TBCK: variants seen among roughly 807,000 people sequenced by gnomAD.
The protein encoded by TBCK is TBC domain-containing protein kinase-like protein.
TBCK carries 99 observed loss-of-function variants against 113.4 expected under a neutral mutation model. That is an observed-to-expected ratio of 0.87 (90% CI 0.74 to 1.03). The LOEUF (loss-of-function observed/expected upper bound fraction) is 1.03, where lower values mean the gene tolerates loss of function less well. TBCK is among the 50% of genes least tolerant of loss of function. The pLI is 0.00. For synonymous variants in TBCK, 369 were observed against 370.8 expected (o/e 1.00, Z 0.05); for missense variants, 1,045 against 1,061.3 (o/e 0.98, Z 0.21).
At chr4:106,263,254 A>G (rs1245106512) in intron 3 of TBCK, among the ~76,000 whole-genome samples, 2 of 151,942 alleles carry the variant, frequency 1.3e-5, no homozygotes, top group African/African-American at 2.4e-5. Context: ...AACCAATAGT[A>G]GAGATAATAT....
chr4:106,285,907 A>G (rs1446508200), intron 3 of TBCK, among the ~76,000 whole-genome samples: 1 of 152,236 alleles, frequency 6.6e-6, no homozygotes, highest in Non-Finnish European at 1.5e-5. Flanking sequence ...AAATTGCAGT[A>G]CATCAACTCT....
At chr4:106,270,887 T>C (rs916056269) in intron 3 of TBCK, among the ~76,000 whole-genome samples, 5 of 152,180 alleles carry the variant, frequency 3.3e-5, no homozygotes, top group Non-Finnish European at 7.4e-5. Flanking sequence ...CCACGTCCCT[T>C]GTATTTGTCA....
chr4:106,266,337 C>T (rs555599835), intron 3 of TBCK, among the ~76,000 whole-genome samples: 6 of 151,850 alleles, frequency 4.0e-5, no homozygotes, highest in African/African-American at 1.4e-4. Flanking sequence ...GTTTCTCACA[C>T]AACTCACAAA....
chr4:106,199,393 C>CCT (rs1309701355), intron 20 of TBCK, among the ~76,000 whole-genome samples: 1 of 152,024 alleles, frequency 6.6e-6, no homozygotes, highest in Non-Finnish European at 1.5e-5. Flanking sequence ...GGTTCCTCTT[C>CCT]CTCTCTCTCA....
intron 25 of TBCK, among the ~76,000 whole-genome samples, chr4:106,089,960 G>A (rs1176959333): frequency 6.6e-6 from 1 of 152,190 alleles, no homozygotes; most frequent in African/African-American, 2.4e-5. Context: ...CCAGTCTCAG[G>A]TCTGGAGGGT....
At chr4:106,251,118 T>C (rs1009757911) in intron 6 of TBCK, 7 of 397,206 alleles carry the variant, frequency 1.8e-5, no homozygotes, top group African/African-American at 4.2e-5. Flanking sequence ...GTGTGCCAAA[T>C]TGGACTCTTC....
Position 106,171,076 on chromosome 4 carries a change from T to A in TBCK, c.2235+19A>T, listed in dbSNP as rs371933684. ...CCATCTCCTTTTAGAGTTTGTAAAC[T>A]AAATCCGCAAATACATACCAGATCT... On this transcript the variant is annotated intron_variant, in intron 23 of 25. Transcript: ENST00000394708. The A allele has an allele frequency of 1.7e-5, 26 of 1,557,248 alleles. 1 individual carries two copies. The highest frequency in any genetic ancestry group is 2.1e-5 in the Non-Finnish European group (24 of 1,155,990).
At chr4:106,057,929 T>C (rs1275752490) in intron 25 of TBCK, among the ~76,000 whole-genome samples, 1 of 151,800 alleles carries the variant, frequency 6.6e-6, no homozygotes, top group Non-Finnish European at 1.5e-5. Flanking sequence ...TTTCCATTTG[T>C]AGGCATTCAC....
chr4:106,183,058 T>C (rs920038075), intron 22 of TBCK, among the ~76,000 whole-genome samples: 3 of 152,072 alleles, frequency 2.0e-5, no homozygotes, highest in African/African-American at 7.2e-5. Context: ...ATTAGAAATC[T>C]CTCAGGACTT....
intron 9 of TBCK, 36 bp from the exon 10 acceptor site, chr4:106,247,323 G>A (rs1416680725): frequency 6.3e-7 from 1 of 1,597,006 alleles, no homozygotes. Context: ...ATGAATGAAA[G>A]TCATAAAAAA....
chr4:106,123,447 C>T (rs892538589), intron 23 of TBCK, among the ~76,000 whole-genome samples: 2 of 152,042 alleles, frequency 1.3e-5, no homozygotes, highest in African/African-American at 4.8e-5. Context: ...GCCATACTGC[C>T]CAAGGTAATT....
chr4:106,080,771 C>A (rs545874121), intron 25 of TBCK, among the ~76,000 whole-genome samples: 1 of 152,050 alleles, frequency 6.6e-6, no homozygotes, highest in Non-Finnish European at 1.5e-5. Flanking sequence ...TGCAATCTAT[C>A]CATCTGACAA....
At chr4:106,154,675 C>T (rs1348364714) in intron 23 of TBCK, among the ~76,000 whole-genome samples, 1 of 152,124 alleles carries the variant, frequency 6.6e-6, no homozygotes, top group Non-Finnish European at 1.5e-5. Flanking sequence ...ATCACTTTGC[C>T]TTCTGCCATG....
At chr4:106,236,687 T>C in intron 13 of TBCK, 72 bp downstream of exon 13, 1 of 1,042,172 alleles carries the variant, frequency 9.6e-7, no homozygotes, top group Non-Finnish European at 1.3e-6. Flanking sequence ...TCAAAGAAAA[T>C]GTATAAAATT....
At chr4:106,121,476 G>A (rs1330762298) in intron 23 of TBCK, among the ~76,000 whole-genome samples, 1 of 148,544 alleles carries the variant, frequency 6.7e-6, no homozygotes, top group Admixed American at 6.7e-5. Context: ...GAGACAGAAA[G>A]TCAACAAGGA....
At chr4:106,283,253 A>T (rs898891221) in intron 3 of TBCK, among the ~76,000 whole-genome samples, 2 of 152,184 alleles carry the variant, frequency 1.3e-5, no homozygotes, top group Non-Finnish European at 2.9e-5. Context: ...TTACAACTTT[A>T]GGAGACAATA....
At position 106,059,059 on chromosome 4, in the gene TBCK, G is replaced by C. The variant is rs1424868562; in HGVS notation, c.2572-12379C>G. Among the ~76,000 whole-genome samples, 5 of 151,736 alleles carry C rather than the reference G, an allele frequency of 3.3e-5. No homozygotes were observed. In the East Asian group the frequency reaches 9.7e-4, roughly 29 times the overall value. On this transcript the variant is annotated intron_variant, in intron 25 of 25. Transcript: ENST00000394708. ...GATAAAATACTACTTCAAATAAACA[G>C]GCTGGGTGGTTTGGAGGAAAGTGTA... is the stretch of plus-strand genomic sequence containing the variant.
intron 2 of TBCK, among the ~76,000 whole-genome samples, chr4:106,307,744 TG>T (rs1413836534): frequency 1.3e-5 from 2 of 152,276 alleles, no homozygotes; most frequent in Admixed American, 6.5e-5. Context: ...TTTTAAGAAA[TG>T]CAACCTTACC....
intron 19 of TBCK, among the ~76,000 whole-genome samples, chr4:106,214,327 G>A (rs1038677994): frequency 5.9e-5 from 9 of 152,188 alleles, no homozygotes; most frequent in Admixed American, 1.3e-4. Context: ...TCCTCCAAAG[G>A]AACGCGGCTC....
Sources: gnomAD v4.1 joint callset for allele counts (sites outside exome capture counted in the v4.1 genomes callset) on GRCh38, gnomAD v4.1.1 for gene constraint, MANE v1.5 for transcripts, NCBI Gene and HGNC (gene_info 2026-07-23, HGNC 2026-07-21) for gene names.